MALL: variants seen among roughly 807,000 people sequenced by gnomAD.
The protein encoded by MALL is MAL-like protein.
In MALL, 2 loss-of-function variants were observed where a neutral mutation model predicts 10.3. The observed-to-expected ratio is 0.19, with a 90% CI of 0.08 to 0.61. The LOEUF (loss-of-function observed/expected upper bound fraction) is 0.61, where lower values mean the gene tolerates loss of function less well. Among genes scored for constraint, MALL ranks in the 20% least tolerant of loss-of-function variants. The probability of loss-of-function intolerance (pLI) is 0.88; values close to 1 mark genes in which losing one functional copy is unlikely to be tolerated. For missense variants in MALL, 39 were observed against 115.2 expected, an observed-to-expected ratio of 0.34 and a Z score of 3.03; for synonymous variants, 27 against 51.8, an observed-to-expected ratio of 0.52 and a Z score of 2.05.
At chr2:110,104,681 C>T (rs1227411322) in intron 1 of MALL, among the ~76,000 whole-genome samples, 1 of 152,202 alleles carries the variant, frequency 6.6e-6, no homozygotes, top group Non-Finnish European at 1.5e-5. Flanking sequence ...CTTGTCCTGA[C>T]ACCACCTGGC....
chr2:110,102,890 C>T (rs1168549271), intron 1 of MALL, among the ~76,000 whole-genome samples: 1 of 152,150 alleles, frequency 6.6e-6, no homozygotes, highest in Admixed American at 6.5e-5. Context: ...AAAAAATGTG[C>T]TGTCAGAAAG....
In MALL at chr2:110,094,900, A is replaced by G. The variant is rs1182784098; in HGVS notation, c.106-3130T>C. Among the ~76,000 whole-genome samples the G allele has an allele frequency of 1.0e-3, 77 of 75,818 alleles. 1 individual carries two copies. The highest frequency in any genetic ancestry group is 4.0e-3 in the African/African-American group (73 of 18,328). 49.7% of individuals were successfully genotyped at this position (75,818 alleles called of 152,430 possible). ...TCTCTCTGGGTTCCAGCTATAGCTT[A>G]GGGATCCTTGTCCTACCTTTCACAA... On this transcript the variant is annotated intron_variant, in intron 1 of 3. Transcript: ENST00000272462.
intron 1 of MALL, among the ~76,000 whole-genome samples, chr2:110,111,598 G>A (rs367931940): frequency 6.6e-6 from 1 of 151,942 alleles, no homozygotes; most frequent in African/African-American, 2.4e-5. Flanking sequence ...ACAAACAAAC[G>A]GAAACACATC....
rs1288026988 is a variant in MALL at position 110,097,127 on chromosome 2, T to C, written c.106-5357A>G. 2.0e-5 allele frequency among the ~76,000 whole-genome samples: 3 copies of C among 150,378 alleles called. No individual in the cohort carries two copies. In the South Asian group the frequency reaches 6.3e-4, roughly 32 times the overall value. On this transcript the variant is annotated intron_variant, in intron 1 of 3. Coordinates refer to ENST00000272462, the MANE Select transcript of MALL (RefSeq NM_005434.5). The stretch of plus-strand genomic sequence containing the variant: ...AAAAAAAGAGAGAGAAAATTCTATA[T>C]CCCAAAATGGAACAAACTCCAAGAA...
At chr2:110,095,530 C>A (rs533675715) in intron 1 of MALL, among the ~76,000 whole-genome samples, 1 of 151,980 alleles carries the variant, frequency 6.6e-6, no homozygotes, top group African/African-American at 2.4e-5. Context: ...ACATGAAGAG[C>A]TCCTTCATGT....
chr2:110,096,710 TACACACACACAC>T (rs61332655), intron 1 of MALL, among the ~76,000 whole-genome samples: 13 of 140,964 alleles, frequency 9.2e-5, no homozygotes, highest in South Asian at 7.0e-4. Context: ...AAAATGTACC[TACACACACACAC>T]ACACACACAC....
intron 1 of MALL, among the ~76,000 whole-genome samples, chr2:110,109,969 C>G (rs1187519009): frequency 6.6e-6 from 1 of 152,058 alleles, no homozygotes; most frequent in South Asian, 2.1e-4. Flanking sequence ...CTTCTGAAAG[C>G]ATTGAGTCAA....
At chr2:110,099,889 C>T (rs571706637) in intron 1 of MALL, among the ~76,000 whole-genome samples, 2 of 152,206 alleles carry the variant, frequency 1.3e-5, no homozygotes, top group East Asian at 1.9e-4. Context: ...TCGCAGGACA[C>T]GAGATAGTGC....
At chr2:110,115,838 A>T (rs567619782), upstream of MALL, 27 of 914,674 alleles carry the variant, frequency 3.0e-5, 1 homozygote, top group African/African-American at 4.2e-4. Context: ...GCCCGCGCGC[A>T]GCCTGTCAAA....
intron 1 of MALL, 132 bp downstream of exon 1, chr2:110,115,556 G>C (rs1678897291): frequency 9.0e-6 from 4 of 442,470 alleles, no homozygotes; most frequent in Non-Finnish European, 1.5e-5. Context: ...CTCTGCAGGT[G>C]GCCCCTGTGC....
At chr2:110,102,740 C>A (rs1353983773) in intron 1 of MALL, among the ~76,000 whole-genome samples, 1 of 152,144 alleles carries the variant, frequency 6.6e-6, no homozygotes, top group Admixed American at 6.5e-5. Flanking sequence ...CCCAGAAATT[C>A]TCACAGTAGG....
At chr2:110,112,597 G>C (rs1488070289) in intron 1 of MALL, among the ~76,000 whole-genome samples, 2 of 151,960 alleles carry the variant, frequency 1.3e-5, no homozygotes, top group Admixed American at 6.6e-5. Context: ...ATGTTGGTGT[G>C]GATGTGGTGA....
In MALL at chr2:110,107,947, T is replaced by G. The variant is rs186256968; in HGVS notation, c.105+7741A>C. On this transcript the variant is annotated intron_variant, in intron 1 of 3. Coordinates refer to ENST00000272462, the MANE Select transcript of MALL (RefSeq NM_005434.5). The stretch of plus-strand genomic sequence containing the variant: ...GATCCAGAAGAGAGACAACAATCAC[T>G]GCAGTTTGGCTCACAGGAAGCCACA... Among the ~76,000 whole-genome samples, 392 of 152,200 alleles carry G rather than the reference T, an allele frequency of 2.6e-3. 3 individuals are homozygous for G. Among genetic ancestry groups the G allele is most frequent in the Non-Finnish European group, 1.0e-3 (68 of 68,002 alleles).
At chr2:110,115,272 G>A (rs1015093862) in intron 1 of MALL, among the ~76,000 whole-genome samples, 1 of 152,180 alleles carries the variant, frequency 6.6e-6, no homozygotes, top group African/African-American at 2.4e-5. Context: ...TAAAATTCAT[G>A]TGCAACATCT....
At chr2:110,111,888 T>C (rs537449186) in intron 1 of MALL, among the ~76,000 whole-genome samples, 6 of 152,254 alleles carry the variant, frequency 3.9e-5, no homozygotes, top group Admixed American at 6.5e-5. Context: ...AATAGGCACA[T>C]AGACCAACGG....
upstream of MALL, among the ~76,000 whole-genome samples, chr2:110,117,624 TGAGAGAGAGAGAGA>T (rs70958730): frequency 1.0e-3 from 127 of 122,794 alleles, 1 homozygote; most frequent in African/African-American, 3.9e-3. Flanking sequence ...TGTGTGTGTG[TGAGAGAGAGAGAGA>T]GAGAGAGAGA....
At chr2:110,107,999 C>T (rs1232190281) in intron 1 of MALL, among the ~76,000 whole-genome samples, 1 of 152,182 alleles carries the variant, frequency 6.6e-6, no homozygotes, top group Admixed American at 6.5e-5. Context: ...AAGAATACTA[C>T]ATCAGGGGAA....
intron 1 of MALL, among the ~76,000 whole-genome samples, chr2:110,107,234 G>C (rs1381368044): frequency 6.6e-6 from 1 of 152,130 alleles, no homozygotes; most frequent in African/African-American, 2.4e-5. Context: ...CTCTGATACT[G>C]TACTACTGTT....
intron 1 of MALL, among the ~76,000 whole-genome samples, chr2:110,113,574 T>C (rs1678851460): frequency 6.6e-6 from 1 of 151,812 alleles, no homozygotes; most frequent in Admixed American, 6.6e-5. Context: ...CAATAATTTA[T>C]GGAAAAATAA....
Sources: gnomAD v4.1 joint callset for allele counts (sites outside exome capture counted in the v4.1 genomes callset) on GRCh38, gnomAD v4.1.1 for gene constraint, MANE v1.5 for transcripts, NCBI Gene and HGNC (gene_info 2026-07-23, HGNC 2026-07-21) for gene names.